SLC16A6: variants seen among roughly 807,000 people sequenced by gnomAD.
SLC16A6 encodes the protein monocarboxylate transporter 7.
SLC16A6 carries 15 observed loss-of-function variants against 33.8 expected under a neutral mutation model. The observed-to-expected ratio is 0.44, with a 90% CI of 0.30 to 0.68. SLC16A6 has a LOEUF of 0.68. Among genes scored for constraint, SLC16A6 ranks in the 30% least tolerant of loss-of-function variants. The pLI, the probability that SLC16A6 is intolerant of heterozygous loss-of-function variation, is 0.10. For synonymous variants in SLC16A6, 219 were observed against 248.4 expected (o/e 0.88, Z 1.11); for missense variants, 451 against 661.5 (o/e 0.68, Z 3.49).
chr17:68,287,580 T>A (rs1489178788), intron 1 of SLC16A6, among the ~76,000 whole-genome samples: 2 of 152,192 alleles, frequency 1.3e-5, no homozygotes, highest in Admixed American at 6.6e-5. Context: ...GAGCCACATA[T>A]AACTTTCACC....
At chr17:68,278,994 A>G (rs535029905) in intron 1 of SLC16A6, among the ~76,000 whole-genome samples, 6 of 152,306 alleles carry the variant, frequency 3.9e-5, no homozygotes, top group Middle Eastern at 3.4e-3. Context: ...ATGTATATAC[A>G]AATCTTGGTA....
intron 1 of SLC16A6, among the ~76,000 whole-genome samples, chr17:68,289,576 A>C (rs2075921439): frequency 6.6e-6 from 1 of 152,198 alleles, no homozygotes; most frequent in Non-Finnish European, 1.5e-5. Context: ...CAGCTTTGAC[A>C]AGTTGTTTCT....
At chr17:68,276,128 C>T (rs2075510644) in intron 2 of SLC16A6, among the ~76,000 whole-genome samples, 1 of 151,794 alleles carries the variant, frequency 6.6e-6, no homozygotes, top group Non-Finnish European at 1.5e-5. Flanking sequence ...GAGTCTTGCT[C>T]TGTCTCCCAG....
intron 2 of SLC16A6, 60 bp downstream of exon 2, chr17:68,278,029 G>T: frequency 8.7e-7 from 1 of 1,155,112 alleles, no homozygotes; most frequent in Non-Finnish European, 1.3e-6. Flanking sequence ...CCATTACCAA[G>T]GTAGCCAAAT....
Position 68,273,930 on chromosome 17 carries a change from AGAT to A in SLC16A6, c.370_372del (p.Ile124del). The A allele has an allele frequency of 6.2e-7, 1 of 1,614,102 alleles. No individual in the cohort carries two copies. Among genetic ancestry groups the A allele is most frequent in the Non-Finnish European group, 8.5e-7 (1 of 1,179,956 alleles). ...TGAGCCAAAGAGGAACACTTACCAG[AGAT>A]GATGCCGATGGCGACGTACATATGA... On this transcript the variant is annotated inframe_deletion, in exon 3 of 6. Coordinates refer to ENST00000580666, the MANE Select transcript of SLC16A6 (RefSeq NM_004694.5).
At chr17:68,272,959 G>T (rs1555749562) in intron 3 of SLC16A6, among the ~76,000 whole-genome samples, 192 bp from the exon 4 acceptor site, 1 of 151,710 alleles carries the variant, frequency 6.6e-6, no homozygotes, top group Non-Finnish European at 1.5e-5. Flanking sequence ...AAACTTCAGT[G>T]GTTGTTTGGG....
At position 68,268,953 on chromosome 17, in the gene SLC16A6, G is replaced by GTGCTCTTCACATACACATTCCC; in HGVS notation, c.*121_*142dup. The GTGCTCTTCACATACACATTCCC allele has an allele frequency of 6.8e-7, 1 of 1,464,168 alleles. No individual in the cohort carries two copies. Among genetic ancestry groups the GTGCTCTTCACATACACATTCCC allele is most frequent in the Non-Finnish European group, 9.2e-7 (1 of 1,090,004 alleles). The allele number at this position is 1,464,168 out of a possible 1,614,324, so 90.7% of individuals were successfully genotyped here. A position where few individuals can be genotyped will look rare whatever the true frequency, so the allele number is the denominator to read the frequency against. On this transcript the variant is annotated 3_prime_UTR_variant, in exon 6 of 6. Coordinates refer to ENST00000580666, the MANE Select transcript of SLC16A6 (RefSeq NM_004694.5). ...AAACAAAACAAAAGCGATGTTGGTAGTGCTCTTCACATACACATTCCCTTT... is the reference window on the plus strand; with the variant it reads ...AAACAAAACAAAAGCGATGTTGGTAGTGCTCTTCACATACACATTCCCTGCTCTTCACATACACATTCCCTTT...
At position 68,268,912 on chromosome 17, in the gene SLC16A6, A is replaced by AAT; in HGVS notation, c.*183_*184insAT. 3 of 1,369,230 alleles carry AAT rather than the reference A, an allele frequency of 2.2e-6. No individual in the cohort carries two copies. Among genetic ancestry groups the AAT allele is most frequent in the Non-Finnish European group, 2.9e-6 (3 of 1,019,154 alleles). The allele number at this position is 1,369,230 out of a possible 1,614,324, so 84.8% of individuals were successfully genotyped here. A position where few individuals can be genotyped will look rare whatever the true frequency, so the allele number is the denominator to read the frequency against. On this transcript the variant is annotated 3_prime_UTR_variant, in exon 6 of 6. Transcript: ENST00000580666. ...GCTTTAAAAACAAGCAAAAAAAAAA[A>AAT]GCTTAAAACAAAACAAAACAAAACA...
intron 1 of SLC16A6, among the ~76,000 whole-genome samples, chr17:68,287,618 TTTC>T (rs1242837859): frequency 2.0e-5 from 3 of 152,164 alleles, no homozygotes; most frequent in Non-Finnish European, 4.4e-5. Context: ...GGACAGAAGC[TTTC>T]TTTTCTTTTT....
rs10539245 is a variant in SLC16A6 at position 68,268,426 on chromosome 17, TTATATATA to T, written c.*662_*669del. ...AATCTTCACATTTATGAAGTTCAAG[TTATATATA>T]TATATATATACTTAAAATTTGTTTA... On this transcript the variant is annotated 3_prime_UTR_variant, in exon 6 of 6. Coordinates refer to ENST00000580666, the MANE Select transcript of SLC16A6 (RefSeq NM_004694.5). 6.7e-6 allele frequency: 1 copy of T among 149,802 alleles called. No individual in the cohort carries two copies. The highest frequency in any genetic ancestry group is 2.5e-5 in the African/African-American group (1 of 40,654). 9.3% of individuals were successfully genotyped at this position (149,802 alleles called of 1,614,324 possible). A position where few individuals can be genotyped will look rare whatever the true frequency, so the allele number is the denominator to read the frequency against.
At position 68,268,036 on chromosome 17, in the gene SLC16A6, C is replaced by A. The variant is rs781839870; in HGVS notation, c.*1060G>T. Reference sequence around the variant, plus strand: ...TGATAAAACAAATTAGTTTTGAAAGCTAAGGCGATTTGCAATCCATTATTT... The same window carrying A: ...TGATAAAACAAATTAGTTTTGAAAGATAAGGCGATTTGCAATCCATTATTT... On this transcript the variant is annotated 3_prime_UTR_variant, in exon 6 of 6. Coordinates refer to ENST00000580666, the MANE Select transcript of SLC16A6 (RefSeq NM_004694.5). 4 of 152,170 alleles carry A rather than the reference C, an allele frequency of 2.6e-5. No individual in the cohort carries two copies. The highest frequency in any genetic ancestry group is 5.9e-5 in the Non-Finnish European group (4 of 68,030). The allele number at this position is 152,170 out of a possible 1,614,324, so 9.4% of individuals were successfully genotyped here. A position where few individuals can be genotyped will look rare whatever the true frequency, so the allele number is the denominator to read the frequency against.
chr17:68,282,132 A>G (rs999226864), intron 1 of SLC16A6, among the ~76,000 whole-genome samples: 4 of 152,230 alleles, frequency 2.6e-5, no homozygotes. Context: ...CTGGATTAAG[A>G]AAATGTGGCA....
In SLC16A6 at chr17:68,271,905, C is replaced by T. The variant is rs1432472173; in HGVS notation, c.506-251G>A. The stretch of plus-strand genomic sequence containing the variant: ...GCAACCTCCACCTCCCGGGTTCAAG[C>T]GATTCTCCTGCCTCAGCCTCCTGAG... On this transcript the variant is annotated intron_variant, in intron 4 of 5. Coordinates refer to ENST00000580666, the MANE Select transcript of SLC16A6 (RefSeq NM_004694.5). The surrounding 1 kb of genome is among the most constrained non-coding windows in gnomAD (Gnocchi z 5.3). 3.3e-5 allele frequency among the ~76,000 whole-genome samples: 5 copies of T among 152,168 alleles called. No homozygotes were observed. The highest frequency in any genetic ancestry group is 4.1e-4 in the South Asian group (2 of 4,822).
Position 68,270,912 on chromosome 17 carries a change from C to T in SLC16A6, c.1248G>A (p.Glu416=). Residue 416 remains glutamate (E), a synonymous_variant, in exon 5 of 6, where the codon GAG becomes GAA. Coordinates refer to ENST00000580666, the MANE Select transcript of SLC16A6 (RefSeq NM_004694.5). The part of the protein sequence containing the change: ...LLAEDDVVGI[E]KMSSAAGVYI... ...AGACCCCAGCTGCAGAAGACATCTT[C>T]TCAATGCCCACGACATCATCCTCAG... 6.2e-7 allele frequency: 1 copy of T among 1,614,214 alleles called. No individual in the cohort carries two copies. Among genetic ancestry groups the T allele is most frequent in the South Asian group, 1.1e-5 (1 of 91,088 alleles).
chr17:68,276,026 G>C (rs1367745376), intron 2 of SLC16A6, among the ~76,000 whole-genome samples: 22 of 151,682 alleles, frequency 1.5e-4, no homozygotes, highest in African/African-American at 5.1e-4. Flanking sequence ...ACTTAAAATA[G>C]AACCAGGAAT....
chr17:68,286,313 G>T (rs997282201), intron 1 of SLC16A6, among the ~76,000 whole-genome samples: 1 of 152,168 alleles, frequency 6.6e-6, no homozygotes, highest in Non-Finnish European at 1.5e-5. Context: ...AATAGAGTTA[G>T]AATTATTGAA....
At chr17:68,281,458 C>T (rs782103642) in intron 1 of SLC16A6, among the ~76,000 whole-genome samples, 2 of 151,964 alleles carry the variant, frequency 1.3e-5, no homozygotes, top group Non-Finnish European at 2.9e-5. Flanking sequence ...ACCTGTAGTC[C>T]CAGCTACTCG....
chr17:68,285,905 G>A (rs1418171074), intron 1 of SLC16A6, among the ~76,000 whole-genome samples: 3 of 151,818 alleles, frequency 2.0e-5, no homozygotes, highest in Non-Finnish European at 4.4e-5. Context: ...GATTACAGAC[G>A]CCCGCCACCA....
chr17:68,276,001 G>C (rs954990475), intron 2 of SLC16A6, among the ~76,000 whole-genome samples: 3 of 150,088 alleles, frequency 2.0e-5, no homozygotes, highest in Admixed American at 6.6e-5. Context: ...AAAAAATTAA[G>C]TTATCTTGAT....
Sources: allele counts gnomAD v4.1 joint callset (sites outside exome capture counted in the v4.1 genomes callset), GRCh38; gene constraint gnomAD v4.1.1; non-coding constraint Gnocchi (gnomAD v3.1); transcripts MANE v1.5; gene names NCBI Gene and HGNC (gene_info 2026-07-23, HGNC 2026-07-21).